RAB4A: variants seen among roughly 807,000 people sequenced by gnomAD.
RAB4A encodes the protein RAB4A, member RAS oncogene family, also known as ras-related protein Rab-4A.
A neutral mutation model predicts 34.5 loss-of-function variants in RAB4A; 20 were observed. The observed-to-expected ratio is 0.58, with a 90% CI of 0.41 to 0.84. The LOEUF (loss-of-function observed/expected upper bound fraction) is 0.84. Ranked by LOEUF, RAB4A falls within the 40% of genes least tolerant of loss-of-function variation. The pLI is 0.00. For missense variants in RAB4A, 228 were observed against 274.5 expected, an observed-to-expected ratio of 0.83 and a Z score of 1.20; for synonymous variants, 102 against 100.0, an observed-to-expected ratio of 1.02 and a Z score of -0.12.
In RAB4A at chr1:229,272,295, C is replaced by T. The variant is rs551688125; in HGVS notation, c.31+925C>T. On this transcript the variant is annotated intron_variant, in intron 1 of 7. Transcript: ENST00000366690. ...ACAGTCCCAGAGAGAGGCTCAAGTT[C>T]AAAATTACATACCTCAAGCCAAATT... is the stretch of plus-strand genomic sequence containing the variant. Among the ~76,000 whole-genome samples, 9 of 152,196 alleles carry T rather than the reference C, an allele frequency of 5.9e-5. No individual in the cohort carries two copies. The South Asian group carries it at 1.9e-3, about 32-fold the overall frequency.
At chr1:229,280,034 T>G (rs1289875872) in intron 1 of RAB4A, among the ~76,000 whole-genome samples, 1 of 152,246 alleles carries the variant, frequency 6.6e-6, no homozygotes, top group Non-Finnish European at 1.5e-5. Flanking sequence ...TAAGCCTTTC[T>G]GTAGTTGTTA....
At chr1:229,272,072 A>G (rs1039698663) in intron 1 of RAB4A, among the ~76,000 whole-genome samples, 2 of 150,490 alleles carry the variant, frequency 1.3e-5, no homozygotes, top group East Asian at 1.9e-4. Context: ...CTTGACAAAT[A>G]CTGTTTTGAA....
chr1:229,294,281 C>A (rs1448285698), intron 3 of RAB4A, among the ~76,000 whole-genome samples: 1 of 152,172 alleles, frequency 6.6e-6, no homozygotes, highest in African/African-American at 2.4e-5. Context: ...TAAGAGAGCC[C>A]AGGACCCAGC....
intron 6 of RAB4A, among the ~76,000 whole-genome samples, chr1:229,300,548 G>T (rs1657355724): frequency 6.6e-6 from 1 of 152,196 alleles, no homozygotes; most frequent in Non-Finnish European, 1.5e-5. Flanking sequence ...AGGTGAGGAG[G>T]AAGGGCCAGC....
At chr1:229,301,670 A>G (rs1399000074) in intron 6 of RAB4A, among the ~76,000 whole-genome samples, 3 of 152,152 alleles carry the variant, frequency 2.0e-5, no homozygotes, top group Non-Finnish European at 4.4e-5. Context: ...AAAAAAATAT[A>G]AGAGTATAAA....
intron 1 of RAB4A, among the ~76,000 whole-genome samples, chr1:229,274,346 T>C (rs1176502239): frequency 6.6e-6 from 1 of 152,082 alleles, no homozygotes. Context: ...ATCACAGGCA[T>C]GAGCCACTGT....
chr1:229,289,772 C>T (rs1007776486), intron 3 of RAB4A, among the ~76,000 whole-genome samples: 9 of 152,160 alleles, frequency 5.9e-5, no homozygotes, highest in Non-Finnish European at 2.9e-5. Flanking sequence ...GCTGAGATCA[C>T]GCCATTGTAC....
chr1:229,272,373 T>C (rs1656513414), intron 1 of RAB4A, among the ~76,000 whole-genome samples: 1 of 152,172 alleles, frequency 6.6e-6, no homozygotes, highest in South Asian at 2.1e-4. Context: ...CAACAAATAC[T>C]GTGGAATGGC....
chr1:229,273,165 A>T (rs1253817549), intron 1 of RAB4A, among the ~76,000 whole-genome samples: 2 of 152,236 alleles, frequency 1.3e-5, no homozygotes, highest in African/African-American at 2.4e-5. Flanking sequence ...TGAATCAGTA[A>T]GAAAGGATTG....
intron 1 of RAB4A, among the ~76,000 whole-genome samples, chr1:229,284,453 C>T (rs1238008388): frequency 1.3e-5 from 2 of 152,096 alleles, no homozygotes; most frequent in Non-Finnish European, 2.9e-5. Flanking sequence ...AGTTCTTCTA[C>T]TCCATTGTCT....
chr1:229,276,464 T>C (rs1162358554), intron 1 of RAB4A, among the ~76,000 whole-genome samples: 1 of 151,550 alleles, frequency 6.6e-6, no homozygotes, highest in Non-Finnish European at 1.5e-5. Context: ...GTAACATCTA[T>C]ATTTCTAGTC....
intron 7 of RAB4A, 137 bp downstream of exon 7, chr1:229,303,126 G>A: frequency 1.6e-6 from 1 of 606,160 alleles, no homozygotes. Flanking sequence ...CACTTTGGGA[G>A]GCTGAGGTGG....
chr1:229,297,578 C>T lies in RAB4A; in HGVS notation c.387C>T (p.Asp129=). 6.2e-7 allele frequency: 1 copy of T among 1,612,608 alleles called. No homozygotes were observed. The highest frequency in any genetic ancestry group is 8.5e-7 in the Non-Finnish European group (1 of 1,179,784). Residue 129 remains aspartate, a synonymous_variant, in exon 5 of 8, where the codon GAC becomes GAT. Transcript: ENST00000366690. ...IVIILCGNKK[D]LDADREVTFL... ...TCATCCTTTGTGGAAACAAGAAGGA[C>T]CTGGATGCAGATCGTGAAGTTACCT...
intron 6 of RAB4A, among the ~76,000 whole-genome samples, chr1:229,302,307 A>ATT (rs1657430149): frequency 5.1e-4 from 18 of 35,000 alleles, no homozygotes; most frequent in Non-Finnish European, 8.7e-4. Flanking sequence ...ATATATATAT[A>ATT]TATTTTTTTT....
chr1:229,303,017 G>A lies in RAB4A; in HGVS notation c.*12+28G>A, dbSNP rs998867018. The A allele has an allele frequency of 4.0e-6, 6 of 1,507,094 alleles. No homozygotes were observed. In the African/African-American group the frequency reaches 8.2e-5, roughly 21 times the overall value. The allele number at this position is 1,507,094 out of a possible 1,614,324, so 93.4% of individuals were successfully genotyped here. On this transcript the variant is annotated intron_variant, in intron 7 of 7. Coordinates refer to ENST00000366690, the MANE Select transcript of RAB4A (RefSeq NM_004578.4). ...GGGTTTGGACACCTCCCTGCCCTGA[G>A]TTCCTGGCAAGCTCAAGTGCAGAGG...
intron 4 of RAB4A, among the ~76,000 whole-genome samples, chr1:229,296,740 C>T (rs978168993): frequency 9.8e-5 from 15 of 152,290 alleles, no homozygotes; most frequent in African/African-American, 3.4e-4. Context: ...ATCTGTGTCC[C>T]GGGAGCCAGG....
chr1:229,272,789 A>G (rs1468820329), intron 1 of RAB4A, among the ~76,000 whole-genome samples: 2 of 152,234 alleles, frequency 1.3e-5, no homozygotes, highest in African/African-American at 2.4e-5. Flanking sequence ...TGCTGGGGTC[A>G]CAGTGCATTT....
intron 1 of RAB4A, among the ~76,000 whole-genome samples, chr1:229,276,846 A>G (rs926701495): frequency 4.0e-5 from 6 of 150,958 alleles, no homozygotes; most frequent in South Asian, 2.1e-4. Flanking sequence ...TGTGCTGACT[A>G]TCTTACAGCT....
rs191975812 is a variant in RAB4A at position 229,278,394 on chromosome 1, C to A, written c.31+7024C>A. On this transcript the variant is annotated intron_variant, in intron 1 of 7. Coordinates refer to ENST00000366690, the MANE Select transcript of RAB4A (RefSeq NM_004578.4). Reference sequence around the variant, plus strand: ...TGGGTACTCAGTAATACTTAGCAATCATTTTTCTTATCCTGGCCACCTCTC... The same window carrying A: ...TGGGTACTCAGTAATACTTAGCAATAATTTTTCTTATCCTGGCCACCTCTC... Among the ~76,000 whole-genome samples, 17 of 152,252 alleles carry A rather than the reference C, an allele frequency of 1.1e-4. No individual in the cohort carries two copies. The East Asian group carries it at 3.1e-3, about 28-fold the overall frequency.
Sources: allele counts gnomAD v4.1 joint callset (sites outside exome capture counted in the v4.1 genomes callset), GRCh38; gene constraint gnomAD v4.1.1; transcripts MANE v1.5; gene names NCBI Gene and HGNC (gene_info 2026-07-23, HGNC 2026-07-21).